Variants in MOGAT1 observed in about 807,000 individuals in gnomAD.
MOGAT1 encodes the protein monoacylglycerol O-acyltransferase 1.
Under a neutral mutation model 31.4 loss-of-function variants are expected in MOGAT1, and 32 were observed. That is an observed-to-expected ratio of 1.02 (90% confidence interval 0.77 to 1.37). The LOEUF is 1.37. Ranked by LOEUF, MOGAT1 falls within the 40% of genes most tolerant of loss-of-function variation. MOGAT1 has a pLI of 0.00. For synonymous variants in MOGAT1, 145 were observed against 144.5 expected, an observed-to-expected ratio of 1.00 and a Z score of -0.03; for missense variants, 426 against 402.0, an observed-to-expected ratio of 1.06 and a Z score of -0.51.
intron 5 of MOGAT1, among the ~76,000 whole-genome samples, chr2:222,709,438 ACACACAGCTATGTC>A (rs2106048147): frequency 6.6e-6 from 1 of 152,318 alleles, no homozygotes; most frequent in South Asian, 2.1e-4. Flanking sequence ...GGTGACGTGG[ACACACAGCTATGTC>A]CACTCACCTC....
intron 5 of MOGAT1, among the ~76,000 whole-genome samples, chr2:222,708,447 T>C (rs2106047638): frequency 6.6e-6 from 1 of 152,284 alleles, no homozygotes; most frequent in South Asian, 2.1e-4. Context: ...GCGCAGCGAG[T>C]GCAAGAGCCA....
chr2:222,693,833 T>G (rs572257353), intron 3 of MOGAT1, among the ~76,000 whole-genome samples: 1 of 152,308 alleles, frequency 6.6e-6, no homozygotes, highest in African/African-American at 2.4e-5. Flanking sequence ...AGTCAAACGA[T>G]ATCACATTTA....
chr2:222,690,546 T>A (rs533010373), intron 3 of MOGAT1, among the ~76,000 whole-genome samples: 1 of 152,150 alleles, frequency 6.6e-6, no homozygotes, highest in African/African-American at 2.4e-5. Flanking sequence ...GACAGAGCGA[T>A]ACTCCGTCTC....
At chr2:222,673,645 CAA>C (rs1692456118) in intron 1 of MOGAT1, among the ~76,000 whole-genome samples, 1 of 152,148 alleles carries the variant, frequency 6.6e-6, no homozygotes, top group Non-Finnish European at 1.5e-5. Flanking sequence ...GTATTCTGCC[CAA>C]AGTGTCTGCT....
At chr2:222,683,000 T>C (rs547960453) in intron 1 of MOGAT1, among the ~76,000 whole-genome samples, 4 of 152,078 alleles carry the variant, frequency 2.6e-5, no homozygotes, top group African/African-American at 9.6e-5. Flanking sequence ...GCGCAGGAGT[T>C]TGAGATTAGC....
At chr2:222,689,979 G>A (rs1462466847) in intron 3 of MOGAT1, among the ~76,000 whole-genome samples, 1 of 152,244 alleles carries the variant, frequency 6.6e-6, no homozygotes, top group Admixed American at 6.5e-5. Context: ...TCCAGGCCGG[G>A]CGCGGTGGCT....
intron 5 of MOGAT1, among the ~76,000 whole-genome samples, chr2:222,708,877 T>C (rs559277003): frequency 6.6e-6 from 1 of 152,362 alleles, no homozygotes; most frequent in African/African-American, 2.4e-5. Flanking sequence ...TAGGATTCTA[T>C]TGAATGACTA....
At position 222,708,516 on chromosome 2, in the gene MOGAT1, C is replaced by T. The variant is rs79820512; in HGVS notation, c.854-1220C>T. 9.8e-3 allele frequency among the ~76,000 whole-genome samples: 1,487 copies of T among 152,314 alleles called. 15 individuals carry two copies. Among genetic ancestry groups the T allele is most frequent in the Middle Eastern group, 0.034 (10 of 294 alleles). ...AGAGACAAGTGAGATGTTATATAAACACCTTTTAAAATATGTATAGAGGTT... is the reference window on the plus strand; with the variant it reads ...AGAGACAAGTGAGATGTTATATAAATACCTTTTAAAATATGTATAGAGGTT... On this transcript the variant is annotated intron_variant, in intron 5 of 5. Coordinates refer to ENST00000446656, the MANE Select transcript of MOGAT1 (RefSeq NM_058165.3).
intron 1 of MOGAT1, among the ~76,000 whole-genome samples, chr2:222,673,384 C>T (rs1692451159): frequency 2.7e-5 from 4 of 149,076 alleles, no homozygotes; most frequent in Admixed American, 6.7e-5. Context: ...TCCTCACAGA[C>T]TACACCGTGA....
rs1341417648 is a variant in MOGAT1 at position 222,688,417 on chromosome 2, G to A, written c.168G>A (p.Met56Ile). The A allele has an allele frequency of 2.5e-6, 4 of 1,613,530 alleles. No homozygotes were observed. Among genetic ancestry groups the A allele is most frequent in the East Asian group, 4.5e-5 (2 of 44,884 alleles). ...TGTTCCTTTACATCCCTTATTTGAT[G>A]TGGCTTTACTTTGACTGGCATACCC... ...NYLFLYIPYL[M>I]WLYFDWHTPE... The change falls in exon 2 of 6, where the codon ATG becomes ATA. Residue 56 changes from methionine to isoleucine, a missense_variant. Physicochemically the swap from Met to Ile is conservative, Grantham distance 10 (BLOSUM62 1). Transcript: ENST00000446656.
chr2:222,672,889 T>TTTTTTTTTATTATTA (rs139797469), intron 1 of MOGAT1, among the ~76,000 whole-genome samples: 1 of 139,224 alleles, frequency 7.2e-6, no homozygotes, highest in African/African-American at 2.7e-5. Flanking sequence ...CTGGAATTTG[T>TTTTTTTTTATTATTA]TTATTATTAT....
intron 3 of MOGAT1, among the ~76,000 whole-genome samples, chr2:222,693,997 C>G (rs1004786113): frequency 2.6e-5 from 4 of 152,166 alleles, no homozygotes; most frequent in African/African-American, 9.7e-5. Context: ...CCACCACATA[C>G]AGCTGTGCAG....
intron 1 of MOGAT1, among the ~76,000 whole-genome samples, chr2:222,681,812 C>T (rs1692585070): frequency 6.6e-6 from 1 of 152,044 alleles, no homozygotes; most frequent in Non-Finnish European, 1.5e-5. Flanking sequence ...GACTGGGGTC[C>T]AAATATTAAG....
At chr2:222,679,059 T>C (rs1342913419) in intron 1 of MOGAT1, among the ~76,000 whole-genome samples, 14 of 152,252 alleles carry the variant, frequency 9.2e-5, no homozygotes, top group Non-Finnish European at 1.5e-4. Context: ...TATTTAGGGT[T>C]AATTTTTGTG....
At chr2:222,682,081 T>C (rs1050969481) in intron 1 of MOGAT1, among the ~76,000 whole-genome samples, 2 of 151,948 alleles carry the variant, frequency 1.3e-5, no homozygotes, top group Non-Finnish European at 2.9e-5. Context: ...TTAGCAACTT[T>C]TTAGCATTCT....
At chr2:222,683,453 C>A (rs543513463) in intron 1 of MOGAT1, among the ~76,000 whole-genome samples, 3 of 149,208 alleles carry the variant, frequency 2.0e-5, no homozygotes, top group Non-Finnish European at 3.0e-5. Context: ...AAGGACCAGG[C>A]GCAGTGGCTC....
chr2:222,682,278 T>A (rs565299618), intron 1 of MOGAT1, among the ~76,000 whole-genome samples: 1 of 152,380 alleles, frequency 6.6e-6, no homozygotes, highest in Admixed American at 6.5e-5. Context: ...AAAATCCTAC[T>A]ATCATACCCA....
In MOGAT1 at chr2:222,709,795, T is replaced by A; in HGVS notation, c.913T>A (p.Leu305Ile). Residue 305 changes from leucine to isoleucine, a missense_variant, in exon 6 of 6, where the codon TTA (leucine) becomes ATA (isoleucine). Transcript: ENST00000446656. Reference protein sequence around the residue: ...LNPTQEQIEELHQTYMEELRK... With the variant: ...LNPTQEQIEEIHQTYMEELRK... ...CCCGACCCAGGAGCAGATTGAGGAG[T>A]TACATCAGACCTATATGGAGGAACT... 1 of 1,613,214 alleles carries A rather than the reference T, an allele frequency of 6.2e-7. No individual in the cohort carries two copies. Among genetic ancestry groups the A allele is most frequent in the South Asian group, 1.1e-5 (1 of 90,996 alleles).
At chr2:222,684,801 G>A (rs375548270) in intron 1 of MOGAT1, among the ~76,000 whole-genome samples, 7 of 151,934 alleles carry the variant, frequency 4.6e-5, no homozygotes, top group Admixed American at 6.6e-5. Context: ...GGTCTCAAAC[G>A]CCTGACCTCA....
Sources: allele counts gnomAD v4.1 joint callset (sites outside exome capture counted in the v4.1 genomes callset), GRCh38; gene constraint gnomAD v4.1.1; transcripts MANE v1.5; gene names NCBI Gene and HGNC (gene_info 2026-07-23, HGNC 2026-07-21).